The following ADNP variants were observed in gnomAD, a reference collection of about 807,000 sequenced individuals.
The protein encoded by ADNP is activity dependent neuroprotector homeobox.
Under a neutral mutation model 84.9 loss-of-function variants are expected in ADNP, and 4 were observed. The observed-to-expected ratio is 0.05, with a 90% confidence interval of 0.02 to 0.11. ADNP has a LOEUF of 0.11. Ranked by LOEUF, ADNP falls within the 10% of genes least tolerant of loss-of-function variation. The pLI is 1.00. For synonymous variants in ADNP, 554 were observed against 468.1 expected (o/e 1.18, Z -2.37); for missense variants, 1,132 against 1,326.0 (o/e 0.85, Z 2.27).
chr20:50,907,288 G>A (rs1299197470), intron 2 of ADNP, among the ~76,000 whole-genome samples: 3 of 145,192 alleles, frequency 2.1e-5, no homozygotes, highest in Admixed American at 7.0e-5. Flanking sequence ...TTTTTGAGAC[G>A]GAGTTTTGCT....
intron 2 of ADNP, chr20:50,905,524 AAG>A (rs1982388313): frequency 2.0e-5 from 3 of 152,232 alleles, no homozygotes; most frequent in African/African-American, 7.2e-5. Flanking sequence ...TAAAAGGAGA[AAG>A]AGTGAAATCT....
At chr20:50,907,837 A>C (rs1391984150) in intron 2 of ADNP, among the ~76,000 whole-genome samples, 1 of 149,038 alleles carries the variant, frequency 6.7e-6, no homozygotes, top group Non-Finnish European at 1.5e-5. Flanking sequence ...AGCTCAAGTG[A>C]TCTGCTGGCT....
At position 50,903,928 on chromosome 20, in the gene ADNP, A is replaced by T. The variant is rs1410500963; in HGVS notation, c.69T>A (p.Leu23=). Reference sequence around the variant, plus strand: ...TACAGTATTCCAACCCAATGTCACTAAGTATTTTTTTCACAGTTTTCCGGG... The same window carrying T: ...TACAGTATTCCAACCCAATGTCACTTAGTATTTTTTTCACAGTTTTCCGGG... The part of the protein sequence containing the change: ...RKARKTVKKI[L]SDIGLEYCKE... Residue 23 remains leucine (L), a synonymous_variant, in exon 4 of 6, where the codon CTT becomes CTA. Transcript: ENST00000621696. 1.2e-6 allele frequency: 2 copies of T among 1,614,020 alleles called. No homozygotes were observed. Among genetic ancestry groups the T allele is most frequent in the African/African-American group, 1.3e-5 (1 of 75,054 alleles).
chr20:50,899,947 G>C (rs1465251920), intron 5 of ADNP, among the ~76,000 whole-genome samples: 1 of 150,284 alleles, frequency 6.7e-6, no homozygotes, highest in Non-Finnish European at 1.5e-5. Flanking sequence ...AGTGTGGAAG[G>C]GGACCCGGGC....
rs1173122388 is a variant in ADNP at position 50,893,114 on chromosome 20, C to T, written c.1600G>A (p.Val534Ile). Residue 534 changes from valine to isoleucine, a missense_variant, in exon 6 of 6, where the codon GTT (valine) becomes ATT (isoleucine). Around this residue, in one of 10 missense-constraint regions of ADNP, gnomAD observed 87 missense variants for 181.4 expected, o/e 0.48. Transcript: ENST00000621696. The surrounding 1 kb of genome is among the most constrained non-coding windows in gnomAD (Gnocchi z 4.4). ...GGTCCCATCTCTTCATCAATGTGAA[C>T]CATCCGCATGTGTGCGGCCATCTTT... The part of the protein sequence containing the change: ...VEKMAAHMRM[V>I]HIDEEMGPKT... 2 of 1,614,250 alleles carry T rather than the reference C, an allele frequency of 1.2e-6. No homozygotes were observed. The highest frequency in any genetic ancestry group is 1.3e-5 in the African/African-American group (1 of 75,068).
At chr20:50,909,336 C>T (rs959609875) in intron 2 of ADNP, among the ~76,000 whole-genome samples, 3 of 118,330 alleles carry the variant, frequency 2.5e-5, no homozygotes, top group African/African-American at 1.0e-4. Flanking sequence ...GCACTCCAGC[C>T]TGTGGGCGAC....
intron 2 of ADNP, among the ~76,000 whole-genome samples, chr20:50,927,680 G>C (rs1280976170): frequency 6.6e-6 from 1 of 152,028 alleles, no homozygotes; most frequent in Non-Finnish European, 1.5e-5. Flanking sequence ...ACAGGCGTAA[G>C]CCACCTCACC....
chr20:50,916,634 A>G (rs1266274887), intron 2 of ADNP, among the ~76,000 whole-genome samples: 1 of 152,232 alleles, frequency 6.6e-6, no homozygotes, highest in Non-Finnish European at 1.5e-5. Context: ...AATTCTGGAC[A>G]TTATTTTTCA....
chr20:50,923,295 G>T (rs1180654701), intron 2 of ADNP, among the ~76,000 whole-genome samples: 6 of 152,056 alleles, frequency 3.9e-5, no homozygotes, highest in African/African-American at 1.5e-4. Flanking sequence ...AAACTACTCA[G>T]AAATAATTTC....
At chr20:50,903,743 T>A in intron 4 of ADNP, 146 bp downstream of exon 4, 1 of 633,826 alleles carries the variant, frequency 1.6e-6, no homozygotes, top group Non-Finnish European at 2.7e-6. Context: ...AGGCACAAGT[T>A]AATGCTATTG....
intron 2 of ADNP, chr20:50,913,984 G>T: frequency 1.3e-6 from 1 of 744,110 alleles, no homozygotes; most frequent in Non-Finnish European, 2.5e-6. Context: ...TGGCCAGAAT[G>T]AGACTGTAAA....
Position 50,890,912 on chromosome 20 carries a change from T to C in ADNP, c.*493A>G, listed in dbSNP as rs1980626852. The C allele has an allele frequency of 1.0e-6, 1 of 984,390 alleles. No homozygotes were observed. The highest frequency in any genetic ancestry group is 1.2e-6 in the Non-Finnish European group (1 of 828,824). 61.0% of individuals were successfully genotyped at this position (984,390 alleles called of 1,614,324 possible). ...TGATGGGCACACAGTAACAGGATCATGAGCATCACTTGAATAGGTCTAAAA... is the reference window on the plus strand; with the variant it reads ...TGATGGGCACACAGTAACAGGATCACGAGCATCACTTGAATAGGTCTAAAA... On this transcript the variant is annotated 3_prime_UTR_variant, in exon 6 of 6. Transcript: ENST00000621696.
rs909509867 is a variant in ADNP, at chr20:50,889,065, T to C, written c.*2340A>G. On this transcript the variant is annotated 3_prime_UTR_variant, in exon 6 of 6. Coordinates refer to ENST00000621696, the MANE Select transcript of ADNP (RefSeq NM_001282531.3). ...CAACAATATTCTTTTAAAATGGCTT[T>C]TATTGAGACACTTGTAGGGATTCTG... is the stretch of plus-strand genomic sequence containing the variant. 1 of 152,216 alleles carries C rather than the reference T, an allele frequency of 6.6e-6. No homozygotes were observed. Among genetic ancestry groups the C allele is most frequent in the Non-Finnish European group, 1.5e-5 (1 of 68,040 alleles). The allele number at this position is 152,216 out of a possible 1,614,324, so 9.4% of individuals were successfully genotyped here. A position where few individuals can be genotyped will look rare whatever the true frequency, so the allele number is the denominator to read the frequency against.
chr20:50,921,936 G>A (rs6020853), intron 2 of ADNP, among the ~76,000 whole-genome samples: 15,500 of 152,208 alleles, frequency 0.1, 2,131 homozygotes, highest in African/African-American at 0.31. Flanking sequence ...ACTCTAAACA[G>A]GTATTGCAGC....
chr20:50,915,551 T>C (rs1983444615), intron 2 of ADNP, among the ~76,000 whole-genome samples: 1 of 152,130 alleles, frequency 6.6e-6, no homozygotes, highest in South Asian at 2.1e-4. Flanking sequence ...TCCTATAAGC[T>C]TGGGCAAAAG....
intron 2 of ADNP, among the ~76,000 whole-genome samples, chr20:50,922,578 G>GTTT (rs58775431): frequency 0.022 from 2,787 of 125,408 alleles, 117 homozygotes; most frequent in African/African-American, 0.076. Context: ...GTCCTCCTGC[G>GTTT]TTTTTTTTTT....
chr20:50,906,270 CAT>C (rs140848927), intron 2 of ADNP, among the ~76,000 whole-genome samples: 10,530 of 152,150 alleles, frequency 0.069, 870 homozygotes, highest in African/African-American at 0.2. Flanking sequence ...GAGAGAAGCA[CAT>C]GTTAGAAAAA....
chr20:50,930,700 G>C (rs1274144654), intron 1 of ADNP, 126 bp downstream of exon 1: 1 of 152,418 alleles, frequency 6.6e-6, no homozygotes, highest in Non-Finnish European at 1.5e-5. Flanking sequence ...TGCGGCTGGA[G>C]GGCGGCGATG....
rs56911332 is a variant in ADNP, at chr20:50,913,250, CAAAAAAAAAAAAAAAAAAAAAAAA to C, written c.-89-8425_-89-8402del. The stretch of plus-strand genomic sequence containing the variant: ...CCTGGGCAAGAGTGAGACTCTGTCT[CAAAAAAAAAAAAAAAAAAAAAAAA>C]AAAAAAAAAAAAAAGGTATCTGTAT... On this transcript the variant is annotated intron_variant, in intron 2 of 5. Transcript: ENST00000621696. Among the ~76,000 whole-genome samples the C allele has an allele frequency of 6.8e-4, 29 of 42,902 alleles. 1 individual carries two copies. Among genetic ancestry groups the C allele is most frequent in the Non-Finnish European group, 8.7e-4 (19 of 21,738 alleles). 28.1% of individuals were successfully genotyped at this position (42,902 alleles called of 152,430 possible).
Sources: gnomAD v4.1 joint callset for allele counts (sites outside exome capture counted in the v4.1 genomes callset) on GRCh38, gnomAD v4.1.1 for gene constraint, gnomAD v4.1.1 regional missense constraint, Gnocchi (gnomAD v3.1) non-coding constraint, MANE v1.5 for transcripts, NCBI Gene and HGNC (gene_info 2026-07-23, HGNC 2026-07-21) for gene names.